NAV3: variants seen among roughly 807,000 people sequenced by gnomAD.
NAV3 encodes the protein pore membrane and/or filament interacting like protein 1.
NAV3 carries 87 observed loss-of-function variants against 244.7 expected under a neutral mutation model. The observed-to-expected ratio is 0.36, with a 90% CI of 0.30 to 0.42. The LOEUF is 0.42. Ranked by LOEUF, NAV3 falls within the 20% of genes least tolerant of loss-of-function variation. The pLI, the probability that NAV3 is intolerant of heterozygous loss-of-function variation, is 1.00. For missense variants in NAV3, 2,663 were observed against 2,893.3 expected (o/e 0.92, Z 1.83); for synonymous variants, 1,126 against 1,042.2 (o/e 1.08, Z -1.55).
chr12:77,836,687 A>G (rs544289954), intron 1 of NAV3, among the ~76,000 whole-genome samples: 2 of 152,326 alleles, frequency 1.3e-5, no homozygotes, highest in Admixed American at 6.5e-5. Context: ...TTAATGATGT[A>G]ACAGCAATAT....
chr12:78,069,965 G>C (rs1952673730), intron 12 of NAV3, among the ~76,000 whole-genome samples: 1 of 151,934 alleles, frequency 6.6e-6, no homozygotes, highest in African/African-American at 2.4e-5. Flanking sequence ...TTGTCAGTTA[G>C]GTTTTCCTGC....
chr12:77,874,936 G>T (rs980453540), intron 1 of NAV3, among the ~76,000 whole-genome samples: 1 of 152,004 alleles, frequency 6.6e-6, no homozygotes, highest in African/African-American at 2.4e-5. Context: ...GTATACATTA[G>T]AGGAAATGAA....
chr12:78,113,050 T>C (rs190903292), intron 12 of NAV3, among the ~76,000 whole-genome samples: 1 of 152,268 alleles, frequency 6.6e-6, no homozygotes, highest in Admixed American at 6.5e-5. Context: ...AACCTTAAAG[T>C]TTCAAAATTA....
At position 78,198,753 on chromosome 12, in the gene NAV3, GT is replaced by G. The variant is rs1332276290; in HGVS notation, c.6518+80del. ...GGGGGCAGGGGAGGGGGTTGGCATT[GT>G]TTCTTCCTGTTTGTTTTTGTGGTTT... On this transcript the variant is annotated intron_variant, in intron 36 of 39. Transcript: ENST00000397909. 7 of 896,480 alleles carry G rather than the reference GT, an allele frequency of 7.8e-6. No homozygotes were observed. The African/African-American group carries it at 1.0e-4, about 13-fold the overall frequency. 55.5% of individuals were successfully genotyped at this position (896,480 alleles called of 1,614,324 possible).
chr12:78,146,923 C>G (rs1291793860), intron 21 of NAV3, among the ~76,000 whole-genome samples: 1 of 152,080 alleles, frequency 6.6e-6, no homozygotes, highest in African/African-American at 2.4e-5. Context: ...GCAAATCAAA[C>G]TGCATTCAGG....
At chr12:77,931,786 G>C (rs766960763) in intron 1 of NAV3, among the ~76,000 whole-genome samples, 6 of 152,118 alleles carry the variant, frequency 3.9e-5, no homozygotes, top group Non-Finnish European at 5.9e-5. Context: ...AGAATGGCGT[G>C]AACCCGGGAG....
chr12:78,147,894 A>T (rs557522284), intron 21 of NAV3, among the ~76,000 whole-genome samples: 9 of 152,080 alleles, frequency 5.9e-5, no homozygotes, highest in African/African-American at 2.2e-4. Context: ...TTTAACATCC[A>T]AGTAACTGAA....
rs1565822569 is a variant in NAV3, at chr12:77,810,117, ATTTAC to A, written c.73-130199_73-130195del. Among the ~76,000 whole-genome samples the A allele has an allele frequency of 2.6e-5, 4 of 152,296 alleles. No homozygotes were observed. The East Asian group carries it at 7.7e-4, about 29-fold the overall frequency. ...TCTAATCTTCTAAGTAAGTTTAGAA[ATTTAC>A]TTAGTTTACACATTTTTTTGTACAA... is the stretch of plus-strand genomic sequence containing the variant. On this transcript the variant is annotated intron_variant, in intron 2 of 8. Coordinates refer to the NAV3 transcript ENST00000550042.
At chr12:77,653,959 A>G (rs1045147877) in intron 2 of NAV3, among the ~76,000 whole-genome samples, 2 of 64,260 alleles carry the variant, frequency 3.1e-5, no homozygotes, top group African/African-American at 1.1e-4. Flanking sequence ...AGAATATGAG[A>G]TAGTTGGGGG....
intron 11 of NAV3, among the ~76,000 whole-genome samples, chr12:78,054,157 A>AT (rs546188244): frequency 1.3e-3 from 192 of 152,306 alleles, no homozygotes; most frequent in Admixed American, 0.01. Flanking sequence ...CATTTTAGTT[A>AT]TTTTTTCTGA....
chr12:77,693,206 T>G (rs1875119054), intron 2 of NAV3, among the ~76,000 whole-genome samples: 1 of 152,096 alleles, frequency 6.6e-6, no homozygotes, highest in Non-Finnish European at 1.5e-5. Flanking sequence ...GTAATTATGT[T>G]TCACTGTTCA....
In NAV3 at chr12:77,881,666, A is replaced by G. The variant is rs567078402; in HGVS notation, c.243+49962A>G. On this transcript the variant is annotated intron_variant, in intron 1 of 39. Transcript: ENST00000397909. ...TTCTTCCCTGACGATAAGATTTTCT[A>G]CCTAGAAAACCCTAAGACTCTTCCA... Among the ~76,000 whole-genome samples, 87 of 152,238 alleles carry G rather than the reference A, an allele frequency of 5.7e-4. 1 individual carries two copies. The South Asian group carries it at 0.011, about 18-fold the overall frequency.
chr12:78,079,811 T>G (rs942878830), intron 12 of NAV3, among the ~76,000 whole-genome samples: 3 of 152,180 alleles, frequency 2.0e-5, no homozygotes, highest in Non-Finnish European at 4.4e-5. Context: ...TTTCTACTGA[T>G]TCTATGCATG....
rs1015739178 is a variant in NAV3 at position 77,713,012 on chromosome 12, T to C, written c.72+140746T>C. Among the ~76,000 whole-genome samples the C allele has an allele frequency of 2.0e-5, 3 of 152,150 alleles. No homozygotes were observed. The South Asian group carries it at 6.2e-4, about 32-fold the overall frequency. On this transcript the variant is annotated intron_variant, in intron 2 of 8. Coordinates refer to the NAV3 transcript ENST00000550042. Reference sequence around the variant, plus strand: ...GTCTGATGTTGACCCCCTCTGATACTAGGGTCACCACAAAAGCTAGCTTAG... The same window carrying C: ...GTCTGATGTTGACCCCCTCTGATACCAGGGTCACCACAAAAGCTAGCTTAG...
intron 2 of NAV3, among the ~76,000 whole-genome samples, chr12:77,642,375 A>G (rs1872452650): frequency 6.6e-6 from 1 of 152,086 alleles, no homozygotes. Flanking sequence ...TCCTTCAATC[A>G]GCCACATGGG....
At chr12:78,194,382 T>G (rs1164940085) in intron 34 of NAV3, among the ~76,000 whole-genome samples, 2 of 152,090 alleles carry the variant, frequency 1.3e-5, no homozygotes, top group African/African-American at 4.8e-5. Flanking sequence ...ATTTCCCTTC[T>G]CTCTTTTTTT....
chr12:77,874,716 G>A (rs1881592177), intron 1 of NAV3, among the ~76,000 whole-genome samples: 1 of 152,052 alleles, frequency 6.6e-6, no homozygotes, highest in Non-Finnish European at 1.5e-5. Context: ...CCACTAGGGA[G>A]CTTTTGTGGA....
chr12:77,691,136 A>T (rs1874991214), intron 2 of NAV3, among the ~76,000 whole-genome samples: 1 of 150,764 alleles, frequency 6.6e-6, no homozygotes, highest in African/African-American at 2.4e-5. Context: ...TACGAAAATT[A>T]TAAGATGGGA....
chr12:77,964,263 T>C (rs143668690), intron 3 of NAV3, among the ~76,000 whole-genome samples: 31 of 152,234 alleles, frequency 2.0e-4, no homozygotes, highest in African/African-American at 7.5e-4. Flanking sequence ...GCTAATCTGT[T>C]CATGTATAAT....
Sources: allele counts gnomAD v4.1 joint callset (sites outside exome capture counted in the v4.1 genomes callset), GRCh38; gene constraint gnomAD v4.1.1; transcripts MANE v1.5; gene names NCBI Gene and HGNC (gene_info 2026-07-23, HGNC 2026-07-21).